The following ANXA11 variants were observed in gnomAD, a reference collection of about 807,000 sequenced individuals.
ANXA11 encodes the protein 56 kDa autoantigen.
ANXA11 carries 57 observed loss-of-function variants against 64.7 expected under a neutral mutation model. The ratio of observed to expected loss-of-function variants is 0.88; its 90% confidence interval spans 0.71 to 1.10. ANXA11 has a LOEUF of 1.10. Among genes scored for constraint, ANXA11 ranks in the 50% least tolerant of loss-of-function variants. The pLI is 0.00. For missense variants in ANXA11, 675 were observed against 670.7 expected (o/e 1.01, Z -0.07); for synonymous variants, 260 against 265.2 (o/e 0.98, Z 0.19).
At chr10:80,175,692 C>G (rs1397433477) in intron 2 of ANXA11, among the ~76,000 whole-genome samples, 1 of 152,162 alleles carries the variant, frequency 6.6e-6, no homozygotes, top group African/African-American at 2.4e-5. Context: ...GTGAACAGAT[C>G]TGGCAGTTAC....
At chr10:80,199,165 C>T (rs12261155) in intron 1 of ANXA11, among the ~76,000 whole-genome samples, 12,596 of 149,544 alleles carry the variant, frequency 0.084, 1,215 homozygotes, top group African/African-American at 0.22. Flanking sequence ...GGCACGATCT[C>T]GGCTCCACTG....
Position 80,171,322 on chromosome 10 carries a change from C to A in ANXA11, c.56-407G>T, listed in dbSNP as rs938620270. ...AGGGAGCTCTGAGATTTCAGTAATG[C>A]GAAGGCACTGGCGGGAGGGGGTTTG... On this transcript the variant is annotated intron_variant, in intron 3 of 15. Transcript: ENST00000422982. 1.5e-5 allele frequency: 14 copies of A among 930,052 alleles called. No individual in the cohort carries two copies. In the Admixed American group the frequency reaches 4.8e-4, roughly 32 times the overall value. The allele number at this position is 930,052 out of a possible 1,614,324, so 57.6% of individuals were successfully genotyped here. A position where few individuals can be genotyped will look rare whatever the true frequency, so the allele number is the denominator to read the frequency against.
intron 1 of ANXA11, among the ~76,000 whole-genome samples, chr10:80,190,918 C>T (rs1407167009): frequency 6.6e-6 from 1 of 151,730 alleles, no homozygotes; most frequent in Non-Finnish European, 1.5e-5. Context: ...TAGTGAGACC[C>T]TGTCTCTACT....
intron 1 of ANXA11, among the ~76,000 whole-genome samples, chr10:80,199,496 T>C (rs1409506058): frequency 6.6e-6 from 1 of 152,020 alleles, no homozygotes; most frequent in Non-Finnish European, 1.5e-5. Context: ...GAAATATTAA[T>C]AGTAAAAATA....
At chr10:80,164,025 G>C in intron 9 of ANXA11, 28 bp downstream of exon 9, 1 of 1,591,052 alleles carries the variant, frequency 6.3e-7, no homozygotes, top group African/African-American at 1.3e-5. Context: ...AGAGGGCAGA[G>C]GGCAGAGGGC....
In ANXA11 at chr10:80,155,926, CAAGG is replaced by C. The variant is rs1331698850; in HGVS notation, c.1459-18_1459-15del. Reference sequence around the variant, plus strand: ...TGAAGTATCTCCCTGGCCACAGAAACAAGGAAGACATCCGTTAAGGGAGGGACAG... The same window carrying C: ...TGAAGTATCTCCCTGGCCACAGAAACAAGACATCCGTTAAGGGAGGGACAG... On this transcript the variant is annotated splice_polypyrimidine_tract_variant and intron_variant, in intron 15 of 15. Transcript: ENST00000422982. 1.2e-6 allele frequency: 2 copies of C among 1,613,382 alleles called. No individual in the cohort carries two copies. The highest frequency in any genetic ancestry group is 1.7e-6 in the Non-Finnish European group (2 of 1,179,272).
intron 1 of ANXA11, among the ~76,000 whole-genome samples, chr10:80,199,179 G>A (rs2132505288): frequency 6.7e-6 from 1 of 149,218 alleles, no homozygotes; most frequent in Middle Eastern, 3.5e-3. Flanking sequence ...TCCACTGCAA[G>A]CTCCGCCTCC....
chr10:80,158,990 CTG>C, intron 13 of ANXA11, 108 bp downstream of exon 13: 1 of 797,956 alleles, frequency 1.3e-6, no homozygotes, highest in Non-Finnish European at 2.2e-6. Context: ...ATCTTGGATC[CTG>C]TGGTCCCTTC....
chr10:80,181,559 G>T (rs1846356203), intron 1 of ANXA11: 1 of 152,144 alleles, frequency 6.6e-6, no homozygotes, highest in African/African-American at 2.4e-5. Context: ...ATCTGATAAA[G>T]GGACTATTAT....
intron 1 of ANXA11, among the ~76,000 whole-genome samples, chr10:80,194,518 AAG>A (rs1335642659): frequency 2.2e-5 from 2 of 91,674 alleles, no homozygotes; most frequent in Non-Finnish European, 4.3e-5. Context: ...CACTCCTAGG[AAG>A]AGTCGGGGGG....
intron 1 of ANXA11, among the ~76,000 whole-genome samples, chr10:80,194,793 A>C (rs920603975): frequency 6.6e-6 from 1 of 152,162 alleles, no homozygotes; most frequent in Non-Finnish European, 1.5e-5. Context: ...TCTGGCTTAA[A>C]TCCTTCAAAA....
chr10:80,174,694 C>G (rs1030163946), intron 2 of ANXA11, among the ~76,000 whole-genome samples: 1 of 151,974 alleles, frequency 6.6e-6, no homozygotes, highest in Non-Finnish European at 1.5e-5. Context: ...GCCTCAGCCT[C>G]CAACAGGAGG....
chr10:80,151,936 A>G lies in ANXA11; in HGVS notation c.*3917T>C, dbSNP rs1042040748. The G allele has an allele frequency of 6.6e-6, 1 of 152,090 alleles. No homozygotes were observed. The highest frequency in any genetic ancestry group is 2.4e-5 in the African/African-American group (1 of 41,400). The allele number at this position is 152,090 out of a possible 1,614,324, so 9.4% of individuals were successfully genotyped here. On this transcript the variant is annotated 3_prime_UTR_variant, in exon 16 of 16. Transcript: ENST00000422982. ...AGCTCCCCTGATGATCCTGATACAC[A>G]CTCAGGCTTGAAAACCACCACTTTA...
chr10:80,163,715 AGGTCTTG>A (rs1276485832), intron 9 of ANXA11, 102 bp from the exon 10 acceptor site: 1 of 1,120,580 alleles, frequency 8.9e-7, no homozygotes, highest in African/African-American at 1.6e-5. Context: ...AAAAGGCTGG[AGGTCTTG>A]GCTCGGGCTC....
At position 80,164,047 on chromosome 10, in the gene ANXA11, C is replaced by T. The variant is rs1309141937; in HGVS notation, c.949+6G>A. 1 of 1,613,174 alleles carries T rather than the reference C, an allele frequency of 6.2e-7. No homozygotes were observed. Among genetic ancestry groups the T allele is most frequent in the East Asian group, 2.2e-5 (1 of 44,858 alleles). On this transcript the variant is annotated splice_donor_region_variant and intron_variant, in intron 9 of 15. Transcript: ENST00000422982. Reference sequence around the variant, plus strand: ...AGAGGGCAGAGGGCAGAGGGAGCGGCCTCACCTGCTTTGTAGGCTCTGTTT... The same window carrying T: ...AGAGGGCAGAGGGCAGAGGGAGCGGTCTCACCTGCTTTGTAGGCTCTGTTT...
intron 1 of ANXA11, among the ~76,000 whole-genome samples, chr10:80,186,536 G>C (rs1482261047): frequency 6.6e-6 from 1 of 152,206 alleles, no homozygotes; most frequent in Admixed American, 6.5e-5. Context: ...GATGGTGGAG[G>C]GAGGCCACCG....
chr10:80,180,094 T>C (rs1846304017), intron 1 of ANXA11, among the ~76,000 whole-genome samples: 1 of 152,350 alleles, frequency 6.6e-6, no homozygotes, highest in East Asian at 1.9e-4. Flanking sequence ...TGTACGTAAG[T>C]GTACCATTCA....
In ANXA11 at chr10:80,157,950, A is replaced by C. The variant is rs77724375; in HGVS notation, c.1335+17T>G. 1.7e-3 allele frequency: 2,692 copies of C among 1,613,102 alleles called. 49 individuals are homozygous for C. In the African/African-American group the frequency reaches 0.031, roughly 19 times the overall value. The stretch of plus-strand genomic sequence containing the variant: ...AGGCTAAGGTTCCATCGCAACCTGC[A>C]CATGGAAGTTACATACCCTCATGGC... On this transcript the variant is annotated intron_variant, in intron 14 of 15. Coordinates refer to ENST00000422982, the MANE Select transcript of ANXA11 (RefSeq NM_145868.2).
At chr10:80,185,336 G>A (rs1846501198) in intron 1 of ANXA11, among the ~76,000 whole-genome samples, 1 of 152,204 alleles carries the variant, frequency 6.6e-6, no homozygotes. Context: ...TGTGTTCCCT[G>A]ACACCAGCTT....
Sources: allele counts gnomAD v4.1 joint callset (sites outside exome capture counted in the v4.1 genomes callset), GRCh38; gene constraint gnomAD v4.1.1; transcripts MANE v1.5; gene names NCBI Gene and HGNC (gene_info 2026-07-23, HGNC 2026-07-21).